Variants in ARHGEF28 observed in about 807,000 individuals in gnomAD.
ARHGEF28 encodes the protein 190 kDa guanine nucleotide exchange factor.
ARHGEF28 carries 152 observed loss-of-function variants against 206.6 expected under a neutral mutation model. The observed-to-expected ratio is 0.74, with a 90% CI of 0.64 to 0.84. The LOEUF is 0.84. Among genes scored for constraint, ARHGEF28 ranks in the 40% least tolerant of loss-of-function variants. ARHGEF28 has a pLI of 0.00. For synonymous variants in ARHGEF28, 763 were observed against 776.4 expected (o/e 0.98, Z 0.29); for missense variants, 2,028 against 2,073.2 (o/e 0.98, Z 0.42).
chr5:73,837,011 A>C (rs1757687063), intron 10 of ARHGEF28, among the ~76,000 whole-genome samples: 1 of 152,112 alleles, frequency 6.6e-6, no homozygotes, highest in African/African-American at 2.4e-5. Context: ...ATTCTGTTCC[A>C]TGTGCCCATG....
chr5:73,932,830 A>T, intron 35 of ARHGEF28, among the ~76,000 whole-genome samples: 1 of 67,676 alleles, frequency 1.5e-5, no homozygotes, highest in South Asian at 4.4e-4. Context: ...TTTTTTTGAG[A>T]CAGAGTTTCG....
At chr5:73,848,930 C>T in intron 12 of ARHGEF28, 46 bp from the exon 13 acceptor site, 2 of 1,341,166 alleles carry the variant, frequency 1.5e-6, no homozygotes, top group Non-Finnish European at 2.1e-6. Flanking sequence ...TATATATTTT[C>T]AGACCATGTA....
At chr5:73,857,266 G>A (rs1386151484) in intron 14 of ARHGEF28, among the ~76,000 whole-genome samples, 2 of 152,130 alleles carry the variant, frequency 1.3e-5, no homozygotes, top group African/African-American at 4.8e-5. Context: ...GTGCTCTGGG[G>A]AATTCTTACT....
At chr5:73,845,752 T>C (rs968995178) in intron 11 of ARHGEF28, among the ~76,000 whole-genome samples, 1 of 151,990 alleles carries the variant, frequency 6.6e-6, no homozygotes, top group Admixed American at 6.6e-5. Flanking sequence ...CCCAGCACTT[T>C]GGGAGACTGA....
In ARHGEF28 at chr5:73,771,224, A is replaced by G. The variant is rs1359585860; in HGVS notation, c.476-2631A>G. ...ACAACTATGGAATATTTCTCACTAT[A>G]TTCAGATTAGGAGATATGTCTTAGA... On this transcript the variant is annotated intron_variant, in intron 4 of 35. Transcript: ENST00000513042. Among the ~76,000 whole-genome samples the G allele has an allele frequency of 2.0e-5, 3 of 152,298 alleles. No homozygotes were observed. In the South Asian group the frequency reaches 6.2e-4, roughly 32 times the overall value.
At chr5:73,813,539 T>G in intron 9 of ARHGEF28, 1 of 1,532,352 alleles carries the variant, frequency 6.5e-7, no homozygotes, top group Non-Finnish European at 8.7e-7. Flanking sequence ...CGCCCCGAGT[T>G]CTTCCTGAGT....
intron 4 of ARHGEF28, among the ~76,000 whole-genome samples, chr5:73,763,707 T>G (rs2032935110): frequency 6.6e-6 from 1 of 152,022 alleles, no homozygotes; most frequent in Admixed American, 6.5e-5. Flanking sequence ...AAATGAATGG[T>G]GGACTTGAAT....
intron 3 of ARHGEF28, among the ~76,000 whole-genome samples, chr5:73,750,892 G>T (rs2112398964): frequency 6.6e-6 from 1 of 152,242 alleles, no homozygotes; most frequent in South Asian, 2.1e-4. Context: ...GTCCCTACCT[G>T]CTTCTGTAAC....
At chr5:73,799,010 TG>T (rs1376590827) in intron 9 of ARHGEF28, among the ~76,000 whole-genome samples, 1 of 152,174 alleles carries the variant, frequency 6.6e-6, no homozygotes, top group African/African-American at 2.4e-5. Flanking sequence ...GGCTTGAACC[TG>T]GGAGGCAGAG....
At chr5:73,806,317 ATATACTCTATAGAGTATATATATACTATG>A (rs1485722102) in intron 9 of ARHGEF28, among the ~76,000 whole-genome samples, 1 of 128,802 alleles carries the variant, frequency 7.8e-6, no homozygotes, top group African/African-American at 3.0e-5. Flanking sequence ...TATAGTATAT[ATATACTCTATAGAGTATATATATACTATG>A]TAGATATACT....
chr5:73,648,691 G>A (rs897337625), intron 1 of ARHGEF28, among the ~76,000 whole-genome samples: 2 of 152,114 alleles, frequency 1.3e-5, no homozygotes, highest in African/African-American at 2.4e-5. Context: ...ACCTTTCCTG[G>A]GCTGGCCCCT....
chr5:73,817,823 A>T (rs1364166323), intron 9 of ARHGEF28, among the ~76,000 whole-genome samples: 1 of 151,980 alleles, frequency 6.6e-6, no homozygotes, highest in Non-Finnish European at 1.5e-5. Context: ...GGGATGGTAA[A>T]CTTCAATGGG....
chr5:73,657,339 G>T (rs1745287067), intron 1 of ARHGEF28, among the ~76,000 whole-genome samples: 1 of 151,818 alleles, frequency 6.6e-6, no homozygotes, highest in East Asian at 1.9e-4. Context: ...TTTCTTCTTT[G>T]CTTTTTAACT....
chr5:73,630,354 T>C (rs575571818), intron 1 of ARHGEF28, among the ~76,000 whole-genome samples: 2 of 152,236 alleles, frequency 1.3e-5, no homozygotes, highest in Non-Finnish European at 2.9e-5. Context: ...ACTGTCTGGG[T>C]TAAATAGCCC....
In ARHGEF28 at chr5:73,892,099, A is replaced by C; in HGVS notation, c.3435A>C (p.Glu1145Asp). The C allele has an allele frequency of 6.3e-7, 1 of 1,599,512 alleles. No homozygotes were observed. Among genetic ancestry groups the C allele is most frequent in the Admixed American group, 1.7e-5 (1 of 58,114 alleles). The change falls in exon 27 of 36, where the codon GAA becomes GAC. Residue 1145 changes from glutamate to aspartate, a missense_variant. Around this residue, in one of 3 missense-constraint regions of ARHGEF28, gnomAD observed 803 missense variants for 768.0 expected, o/e 1.05. Transcript: ENST00000513042. ...VISLQKLIAR[E>D]VANEERGMFL... ...CCCTTCAAAAGCTTATTGCTAGAGA[A>C]GTTGCTAATGAGGAGAGAGGAATGT...
At chr5:73,893,319 C>A (rs564094380) in intron 28 of ARHGEF28, 31 bp downstream of exon 28, 2 of 1,507,306 alleles carry the variant, frequency 1.3e-6, no homozygotes, top group South Asian at 1.3e-5. Flanking sequence ...GCTCCCTGGT[C>A]GTGGTGTTCT....
chr5:73,727,066 C>T (rs893092615), intron 2 of ARHGEF28, among the ~76,000 whole-genome samples: 71 of 152,266 alleles, frequency 4.7e-4, no homozygotes, highest in Middle Eastern at 3.4e-3. Flanking sequence ...TTTTCCTCTG[C>T]AAATATTTTT....
chr5:73,780,652 T>A (rs1323446741), intron 6 of ARHGEF28, 24 bp from the exon 7 acceptor site: 9 of 1,544,856 alleles, frequency 5.8e-6, no homozygotes, highest in Non-Finnish European at 7.9e-6. Flanking sequence ...CTTTTTTGTT[T>A]TTTTTTTCCC....
chr5:73,883,574 G>C (rs1761086439), intron 23 of ARHGEF28, among the ~76,000 whole-genome samples, 193 bp from the exon 24 acceptor site: 1 of 152,106 alleles, frequency 6.6e-6, no homozygotes, highest in African/African-American at 2.4e-5. Flanking sequence ...TTAAAATCAT[G>C]GAGAGTTGGG....
Sources: gnomAD v4.1 joint callset for allele counts (sites outside exome capture counted in the v4.1 genomes callset) on GRCh38, gnomAD v4.1.1 for gene constraint, gnomAD v4.1.1 regional missense constraint, MANE v1.5 for transcripts, NCBI Gene and HGNC (gene_info 2026-07-23, HGNC 2026-07-21) for gene names.